ATXN1: variants seen among roughly 807,000 people sequenced by gnomAD.
ATXN1 encodes ataxin-1.
A neutral mutation model predicts 56.4 loss-of-function variants in ATXN1; 8 were observed. The ratio of observed to expected loss-of-function variants is 0.14; its 90% confidence interval spans 0.08 to 0.26. The LOEUF (loss-of-function observed/expected upper bound fraction) is 0.26. ATXN1 is among the 10% of genes least tolerant of loss of function. The probability of loss-of-function intolerance (pLI) is 1.00; values close to 1 mark genes in which losing one functional copy is unlikely to be tolerated. For synonymous variants in ATXN1, 514 were observed against 494.6 expected (o/e 1.04, Z -0.52); for missense variants, 987 against 1,106.5 (o/e 0.89, Z 1.53).
intron 6 of ATXN1, among the ~76,000 whole-genome samples, chr6:16,481,792 A>G (rs1760445379): frequency 6.6e-6 from 1 of 152,184 alleles, no homozygotes; most frequent in South Asian, 2.1e-4. Context: ...ACAGCACTTC[A>G]GGCCCATCCC....
intron 3 of ATXN1, among the ~76,000 whole-genome samples, chr6:16,649,891 A>G (rs1763864001): frequency 6.6e-6 from 1 of 152,160 alleles, no homozygotes; most frequent in African/African-American, 2.4e-5. Flanking sequence ...CAAGATAGCT[A>G]TATGAGCAGA....
At chr6:16,540,250 T>TC (rs1761686506) in intron 4 of ATXN1, among the ~76,000 whole-genome samples, 1 of 151,926 alleles carries the variant, frequency 6.6e-6, no homozygotes, top group South Asian at 2.1e-4. Flanking sequence ...TCTTGTTCTG[T>TC]CACCAGGCTG....
rs1403048803 is a variant in ATXN1, at chr6:16,425,340, G to C, written c.-161+60632C>G. On this transcript the variant is annotated intron_variant, in intron 6 of 7. Transcript: ENST00000436367. ...TCACCCACGTGTATTACTTTAAAAT[G>C]CCTTTCGGTAAAGGAGAATTTGAAT... Among the ~76,000 whole-genome samples, 3 of 152,328 alleles carry C rather than the reference G, an allele frequency of 2.0e-5. No homozygotes were observed. In the East Asian group the frequency reaches 5.8e-4, roughly 29 times the overall value.
At chr6:16,505,269 A>AG (rs979353939) in intron 5 of ATXN1, among the ~76,000 whole-genome samples, 3 of 152,146 alleles carry the variant, frequency 2.0e-5, no homozygotes, top group African/African-American at 7.2e-5. Flanking sequence ...CTAACAGGCA[A>AG]GCTTACCATG....
At chr6:16,357,622 C>T (rs2113469752) in intron 6 of ATXN1, among the ~76,000 whole-genome samples, 1 of 152,262 alleles carries the variant, frequency 6.6e-6, no homozygotes, top group South Asian at 2.1e-4. Flanking sequence ...CTTTCTAACT[C>T]CACATCCATT....
chr6:16,743,194 T>C (rs1144699), intron 2 of ATXN1, among the ~76,000 whole-genome samples: 37,891 of 152,204 alleles, frequency 0.25, 5,647 homozygotes, highest in African/African-American at 0.4. Flanking sequence ...TCAATAATAA[T>C]AGTGTTTTGT....
chr6:16,415,027 C>T (rs1456255221), intron 6 of ATXN1, among the ~76,000 whole-genome samples: 3 of 152,120 alleles, frequency 2.0e-5, no homozygotes, highest in Admixed American at 6.5e-5. Context: ...AGAAAATTAC[C>T]TCATTTCATT....
chr6:16,580,753 G>A (rs903338387), intron 4 of ATXN1, among the ~76,000 whole-genome samples: 2 of 152,090 alleles, frequency 1.3e-5, no homozygotes, highest in Admixed American at 1.3e-4. Context: ...TAAAAGCTAC[G>A]CCTACATATA....
At chr6:16,679,007 G>A (rs1420460939) in intron 2 of ATXN1, among the ~76,000 whole-genome samples, 1 of 151,670 alleles carries the variant, frequency 6.6e-6, no homozygotes, top group Non-Finnish European at 1.5e-5. Flanking sequence ...CTGCACCCCA[G>A]CCTGGGCAAC....
intron 6 of ATXN1, among the ~76,000 whole-genome samples, chr6:16,393,265 A>C (rs1217456806): frequency 6.6e-6 from 1 of 151,548 alleles, no homozygotes; most frequent in Non-Finnish European, 1.5e-5. Flanking sequence ...GTATATATTT[A>C]TTTTTTTTAG....
At chr6:16,748,534 T>C (rs1176616454) in intron 2 of ATXN1, among the ~76,000 whole-genome samples, 1 of 152,194 alleles carries the variant, frequency 6.6e-6, no homozygotes, top group Admixed American at 6.5e-5. Context: ...TCCTCGCCTG[T>C]GCAATGGAGA....
chr6:16,759,420 A>G (rs185171291), intron 1 of ATXN1, among the ~76,000 whole-genome samples: 6 of 152,310 alleles, frequency 3.9e-5, no homozygotes, highest in Admixed American at 3.9e-4. Flanking sequence ...CTTCGGGGAC[A>G]GAACCAGTTT....
intron 6 of ATXN1, among the ~76,000 whole-genome samples, chr6:16,385,182 G>T (rs1758212494): frequency 6.6e-6 from 1 of 151,866 alleles, no homozygotes; most frequent in South Asian, 2.1e-4. Context: ...GCACAAGTAT[G>T]GCATGCCAGG....
At chr6:16,670,664 G>A (rs1466388263) in intron 2 of ATXN1, among the ~76,000 whole-genome samples, 3 of 152,124 alleles carry the variant, frequency 2.0e-5, no homozygotes, top group Non-Finnish European at 2.9e-5. Context: ...CATGTCCTGT[G>A]AGGCACTGCC....
intron 3 of ATXN1, among the ~76,000 whole-genome samples, chr6:16,608,456 C>G (rs116095191): frequency 8.0e-4 from 122 of 152,286 alleles, no homozygotes; most frequent in Non-Finnish European, 1.3e-3. Flanking sequence ...TTTTTTCACT[C>G]TTATTCAAAG....
chr6:16,640,780 C>T (rs1763694495), intron 3 of ATXN1, among the ~76,000 whole-genome samples: 1 of 152,036 alleles, frequency 6.6e-6, no homozygotes, highest in Non-Finnish European at 1.5e-5. Flanking sequence ...AGTCACATAC[C>T]TCTCAATTTA....
intron 6 of ATXN1, among the ~76,000 whole-genome samples, chr6:16,423,098 CTG>C (rs1759069484): frequency 6.6e-6 from 1 of 152,176 alleles, no homozygotes; most frequent in Non-Finnish European, 1.5e-5. Flanking sequence ...ACACCTCTCT[CTG>C]AATACATTTC....
chr6:16,336,242 G>A (rs1439509047), intron 6 of ATXN1, among the ~76,000 whole-genome samples: 2 of 152,148 alleles, frequency 1.3e-5, no homozygotes, highest in Non-Finnish European at 2.9e-5. Flanking sequence ...ACCCAACCAT[G>A]ATGCGGGTTA....
intron 6 of ATXN1, among the ~76,000 whole-genome samples, chr6:16,345,431 T>G (rs2113448053): frequency 6.6e-6 from 1 of 152,284 alleles, no homozygotes; most frequent in Admixed American, 6.5e-5. Flanking sequence ...CTGGAAGAGG[T>G]GTGTATTTAC....
Sources: gnomAD v4.1 joint callset for allele counts (sites outside exome capture counted in the v4.1 genomes callset) on GRCh38, gnomAD v4.1.1 for gene constraint, MANE v1.5 for transcripts, NCBI Gene and HGNC (gene_info 2026-07-23, HGNC 2026-07-21) for gene names.